Variants in ARHGAP8 observed in about 807,000 individuals in gnomAD.
The protein encoded by ARHGAP8 is rho GTPase-activating protein 8.
ARHGAP8 carries 62 observed loss-of-function variants against 46.1 expected under a neutral mutation model. That is an observed-to-expected ratio of 1.34 (90% CI 1.10 to 1.66). The LOEUF (loss-of-function observed/expected upper bound fraction) is 1.66, where lower values mean the gene tolerates loss of function less well. ARHGAP8 is among the 40% of genes most tolerant of loss of function. The pLI is 0.00. For synonymous variants in ARHGAP8, 375 were observed against 243.1 expected, an observed-to-expected ratio of 1.54 and a Z score of -5.05; for missense variants, 923 against 568.4, an observed-to-expected ratio of 1.62 and a Z score of -6.34.
chr22:44,812,314 GC>G (rs1234979666), intron 4 of ARHGAP8, among the ~76,000 whole-genome samples: 2 of 149,706 alleles, frequency 1.3e-5, no homozygotes, highest in Admixed American at 1.3e-4. Flanking sequence ...CACTGCTACT[GC>G]CCCCCGCCCC....
intron 4 of ARHGAP8, among the ~76,000 whole-genome samples, chr22:44,810,606 A>G (rs1929264568): frequency 6.6e-6 from 1 of 152,198 alleles, no homozygotes; most frequent in African/African-American, 2.4e-5. Context: ...GGAAGTACCA[A>G]GGTTCCAGCT....
At position 44,862,674 on chromosome 22, in the gene ARHGAP8, G is replaced by C. The variant is rs761844578; in HGVS notation, c.*79G>C. 1.5e-5 allele frequency: 22 copies of C among 1,463,104 alleles called. No homozygotes were observed. The highest frequency in any genetic ancestry group is 2.3e-5 in the East Asian group (1 of 42,656). The allele number at this position is 1,463,104 out of a possible 1,614,324, so 90.6% of individuals were successfully genotyped here. The stretch of plus-strand genomic sequence containing the variant: ...TGTATGTTTTGTAAACTTGGCATCT[G>C]TAAAAATAACCAGCCATTAGATGAA... On this transcript the variant is annotated 3_prime_UTR_variant, in exon 12 of 12. Transcript: ENST00000356099.
intron 11 of ARHGAP8, among the ~76,000 whole-genome samples, chr22:44,860,109 G>T (rs1366462136): frequency 2.0e-5 from 3 of 152,090 alleles, no homozygotes; most frequent in African/African-American, 4.8e-5. Context: ...TGTTATTGGG[G>T]TCCTCTGCCC....
chr22:44,825,467 T>C lies in ARHGAP8; in HGVS notation c.486-16T>C. Reference sequence around the variant, plus strand: ...GCCCCTGCCAGGTGAGATCCCAGCCTCTGTTGTGTCTACAGGTACGATGAG... The same window carrying C: ...GCCCCTGCCAGGTGAGATCCCAGCCCCTGTTGTGTCTACAGGTACGATGAG... On this transcript the variant is annotated splice_polypyrimidine_tract_variant and intron_variant, in intron 6 of 11. Coordinates refer to ENST00000356099, the MANE Select transcript of ARHGAP8 (RefSeq NM_181335.3). 1 of 1,606,174 alleles carries C rather than the reference T, an allele frequency of 6.2e-7. No individual in the cohort carries two copies. Among genetic ancestry groups the C allele is most frequent in the Non-Finnish European group, 8.5e-7 (1 of 1,175,054 alleles).
chr22:44,807,413 C>T (rs1017126947), intron 3 of ARHGAP8, among the ~76,000 whole-genome samples: 2 of 148,758 alleles, frequency 1.3e-5, no homozygotes, highest in African/African-American at 2.6e-5. Flanking sequence ...GGGTGGCGGG[C>T]GACAGACGCA....
intron 8 of ARHGAP8, among the ~76,000 whole-genome samples, chr22:44,845,956 G>A (rs73422269): frequency 0.02 from 3,115 of 152,254 alleles, 101 homozygotes; most frequent in African/African-American, 0.072. Context: ...GGGCCGGGTG[G>A]TCTCCAGCCT....
At chr22:44,843,302 A>G (rs1186751812) in intron 7 of ARHGAP8, among the ~76,000 whole-genome samples, 1 of 152,260 alleles carries the variant, frequency 6.6e-6, no homozygotes, top group East Asian at 1.9e-4. Flanking sequence ...GCAGAACTAC[A>G]CTATAAGAAA....
At chr22:44,845,168 CTG>C in intron 7 of ARHGAP8, 99 bp from the exon 8 acceptor site, 1 of 1,449,270 alleles carries the variant, frequency 6.9e-7, no homozygotes, top group Non-Finnish European at 9.4e-7. Context: ...TGCCTGGGTC[CTG>C]TGTTTTCACA....
At chr22:44,803,008 T>TGCC (rs1255866379) in intron 3 of ARHGAP8, among the ~76,000 whole-genome samples, 1 of 148,964 alleles carries the variant, frequency 6.7e-6, no homozygotes, top group African/African-American at 2.5e-5. Flanking sequence ...CTGCTGCTGC[T>TGCC]GCCGCCACCA....
intron 10 of ARHGAP8, among the ~76,000 whole-genome samples, chr22:44,853,514 A>G (rs1440691327): frequency 1.3e-5 from 2 of 152,160 alleles, no homozygotes; most frequent in Non-Finnish European, 2.9e-5. Context: ...GTAGTTTTCC[A>G]CGGGAGCATC....
At chr22:44,854,060 A>C (rs5766109) in intron 10 of ARHGAP8, among the ~76,000 whole-genome samples, 1 of 126,062 alleles carries the variant, frequency 7.9e-6, no homozygotes, top group African/African-American at 2.9e-5. Context: ...AAAAAAAAAA[A>C]AACCATCAGA....
chr22:44,862,644 G>A lies in ARHGAP8; in HGVS notation c.*49G>A, dbSNP rs758341568. ...CGAGCTACCTCCCACACCTGTCTGTGCACTTGTATGTTTTGTAAACTTGGC... is the reference window on the plus strand; with the variant it reads ...CGAGCTACCTCCCACACCTGTCTGTACACTTGTATGTTTTGTAAACTTGGC... On this transcript the variant is annotated 3_prime_UTR_variant, in exon 12 of 12. Coordinates refer to ENST00000356099, the MANE Select transcript of ARHGAP8 (RefSeq NM_181335.3). 1.1e-5 allele frequency: 17 copies of A among 1,509,530 alleles called. No homozygotes were observed. Among genetic ancestry groups the A allele is most frequent in the East Asian group, 6.9e-5 (3 of 43,760 alleles). The allele number at this position is 1,509,530 out of a possible 1,614,324, so 93.5% of individuals were successfully genotyped here.
In ARHGAP8 at chr22:44,860,241, A is replaced by C. The variant is rs528608289; in HGVS notation, c.981+407A>C. 1.3e-4 allele frequency among the ~76,000 whole-genome samples: 19 copies of C among 151,714 alleles called. 1 individual carries two copies. The East Asian group carries it at 1.4e-3, about 11-fold the overall frequency. On this transcript the variant is annotated intron_variant, in intron 11 of 11. Coordinates refer to ENST00000356099, the MANE Select transcript of ARHGAP8 (RefSeq NM_181335.3). The stretch of plus-strand genomic sequence containing the variant: ...AAGGGATACACCCAGAACCACGTAC[A>C]TTAAGTTCCTGTGACTGCATCGTGG...
At chr22:44,830,015 CCTCT>C (rs571105538) in intron 7 of ARHGAP8, among the ~76,000 whole-genome samples, 4 of 115,760 alleles carry the variant, frequency 3.5e-5, no homozygotes, top group African/African-American at 1.5e-4. Context: ...TCTTTTTTTT[CCTCT>C]CTCTCTTTTT....
At position 44,812,160 on chromosome 22, in the gene ARHGAP8, A is replaced by G. The variant is rs577566760; in HGVS notation, c.300-2512A>G. Among the ~76,000 whole-genome samples the G allele has an allele frequency of 3.3e-5, 5 of 152,038 alleles. No homozygotes were observed. The East Asian group carries it at 7.7e-4, about 24-fold the overall frequency. On this transcript the variant is annotated intron_variant, in intron 4 of 11. Coordinates refer to ENST00000356099, the MANE Select transcript of ARHGAP8 (RefSeq NM_181335.3). Reference sequence around the variant, plus strand: ...TTAGGGGTGAACAAATTCGCACGCAAGTGTTCATGACCCCACTTCTGGGAG... The same window carrying G: ...TTAGGGGTGAACAAATTCGCACGCAGGTGTTCATGACCCCACTTCTGGGAG...
rs373759458 is a variant in ARHGAP8 at position 44,832,222 on chromosome 22, A to ATTT, written c.596+6648_596+6650dup. Reference sequence around the variant, plus strand: ...AATTTGTGATGCTATTGTCAATGTAATTTTTTTTTTTTTTTTTTTTTAAAG... The same window carrying ATTT: ...AATTTGTGATGCTATTGTCAATGTAATTTTTTTTTTTTTTTTTTTTTTTTAAAG... On this transcript the variant is annotated intron_variant, in intron 7 of 11. Transcript: ENST00000356099. 2.1e-3 allele frequency among the ~76,000 whole-genome samples: 226 copies of ATTT among 106,488 alleles called. 2 individuals are homozygous for ATTT. The highest frequency in any genetic ancestry group is 4.0e-3 in the East Asian group (14 of 3,536). 69.9% of individuals were successfully genotyped at this position (106,488 alleles called of 152,430 possible).
intron 1 of ARHGAP8, among the ~76,000 whole-genome samples, chr22:44,774,521 T>TC (rs1926275180): frequency 6.7e-6 from 1 of 148,978 alleles, no homozygotes; most frequent in African/African-American, 2.5e-5. Context: ...TTGGGAGATT[T>TC]TTTTTTTTTT....
intron 1 of ARHGAP8, among the ~76,000 whole-genome samples, chr22:44,778,661 C>T (rs866569617): frequency 3.9e-5 from 6 of 152,160 alleles, no homozygotes; most frequent in South Asian, 2.1e-4. Context: ...AGAAGTGTTC[C>T]CTGTTCACCG....
intron 5 of ARHGAP8, among the ~76,000 whole-genome samples, chr22:44,820,401 G>C (rs1377503092): frequency 6.6e-6 from 1 of 152,210 alleles, no homozygotes; most frequent in Non-Finnish European, 1.5e-5. Flanking sequence ...AGAGGGGCAA[G>C]ACTCCCTTTG....
Sources: allele counts gnomAD v4.1 joint callset (sites outside exome capture counted in the v4.1 genomes callset), GRCh38; gene constraint gnomAD v4.1.1; transcripts MANE v1.5; gene names NCBI Gene and HGNC (gene_info 2026-07-23, HGNC 2026-07-21).